The following GALNT5 variants were observed in gnomAD, a reference collection of about 807,000 sequenced individuals.
The protein encoded by GALNT5 is UDP-GalNAc:polypeptide N-acetylgalactosaminyltransferase 5.
In GALNT5, 72 loss-of-function variants were observed where a neutral mutation model predicts 85.4. The observed-to-expected ratio is 0.84, with a 90% CI of 0.70 to 1.03. GALNT5 has a LOEUF of 1.03. GALNT5 is among the 50% of genes least tolerant of loss of function. The pLI, the probability that GALNT5 is intolerant of heterozygous loss-of-function variation, is 0.00. For missense variants in GALNT5, 1,137 were observed against 1,135.5 expected, an observed-to-expected ratio of 1.00 and a Z score of -0.02; for synonymous variants, 404 against 397.0, an observed-to-expected ratio of 1.02 and a Z score of -0.21.
At chr2:157,264,114 C>T (rs1682407386) in intron 1 of GALNT5, among the ~76,000 whole-genome samples, 1 of 151,738 alleles carries the variant, frequency 6.6e-6, no homozygotes, top group Admixed American at 6.6e-5. Flanking sequence ...AAAAGCTAAT[C>T]CTTTCAGTTC....
chr2:157,292,858 C>G (rs1350338075), intron 3 of GALNT5, among the ~76,000 whole-genome samples: 2 of 152,080 alleles, frequency 1.3e-5, no homozygotes, highest in Non-Finnish European at 2.9e-5. Flanking sequence ...GGCACACACA[C>G]ACGCCCGATT....
At chr2:157,299,952 C>A (rs534063666) in intron 6 of GALNT5, among the ~76,000 whole-genome samples, 1 of 152,192 alleles carries the variant, frequency 6.6e-6, no homozygotes, top group East Asian at 1.9e-4. Context: ...GGGAGTCATA[C>A]GTGCTACAAA....
chr2:157,266,872 T>C (rs1185047778), intron 1 of GALNT5, among the ~76,000 whole-genome samples: 1 of 152,164 alleles, frequency 6.6e-6, no homozygotes, highest in African/African-American at 2.4e-5. Flanking sequence ...AGATGCATGA[T>C]GGGAATTAAG....
At chr2:157,286,641 T>C (rs573819892) in intron 3 of GALNT5, among the ~76,000 whole-genome samples, 47 of 152,140 alleles carry the variant, frequency 3.1e-4, no homozygotes, top group African/African-American at 1.1e-3. Context: ...GTAGCTGGGA[T>C]TACAGGCACC....
In GALNT5 at chr2:157,313,506, C is replaced by T. The variant is rs1333700121; in HGVS notation, c.*2158C>T. 1 of 152,198 alleles carries T rather than the reference C, an allele frequency of 6.6e-6. No homozygotes were observed. Among genetic ancestry groups the T allele is most frequent in the Non-Finnish European group, 1.5e-5 (1 of 68,036 alleles). The allele number at this position is 152,198 out of a possible 1,614,324, so 9.4% of individuals were successfully genotyped here. A position where few individuals can be genotyped will look rare whatever the true frequency, so the allele number is the denominator to read the frequency against. ...GCAAGGGGGATGGGGGGACGCAAGTCAGTTGTCAAAAGACTAATTGAGTTA... is the reference window on the plus strand; with the variant it reads ...GCAAGGGGGATGGGGGGACGCAAGTTAGTTGTCAAAAGACTAATTGAGTTA... On this transcript the variant is annotated 3_prime_UTR_variant, in exon 10 of 10. Coordinates refer to ENST00000259056, the MANE Select transcript of GALNT5 (RefSeq NM_014568.3).
At chr2:157,282,258 A>C (rs1381350472) in intron 1 of GALNT5, among the ~76,000 whole-genome samples, 1 of 152,166 alleles carries the variant, frequency 6.6e-6, no homozygotes, top group East Asian at 1.9e-4. Flanking sequence ...AAATAATAAG[A>C]ATAAATTAAC....
At chr2:157,281,897 A>G (rs1682862208) in intron 1 of GALNT5, among the ~76,000 whole-genome samples, 1 of 152,218 alleles carries the variant, frequency 6.6e-6, no homozygotes, top group Admixed American at 6.5e-5. Context: ...TTGAAGGTGC[A>G]TACTGATATC....
chr2:157,283,502 G>A lies in GALNT5; in HGVS notation c.1455-780G>A, dbSNP rs559635855. On this transcript the variant is annotated intron_variant, in intron 1 of 9. Coordinates refer to ENST00000259056, the MANE Select transcript of GALNT5 (RefSeq NM_014568.3). ...ATTGCATTCCTATGCCAGCAAAATG[G>A]TTTTTCAACTGTGGCTATTCTGTAG... 2.1e-4 allele frequency among the ~76,000 whole-genome samples: 32 copies of A among 152,276 alleles called. 1 individual carries two copies. The highest frequency in any genetic ancestry group is 7.7e-4 in the African/African-American group (32 of 41,550).
Position 157,259,484 on chromosome 2 carries a change from C to G in GALNT5, c.1402C>G (p.Leu468Val). Residue 468 changes from leucine (L) to valine (V), a missense_variant, in exon 1 of 10, where the codon CTT becomes GTT. By Grantham distance (32) the Leu-to-Val change is conservative. Coordinates refer to ENST00000259056, the MANE Select transcript of GALNT5 (RefSeq NM_014568.3). Reference sequence around the variant, plus strand: ...GAAAGAAGGAAACTTCAATGTCTACCTTAGCGATTTGATCCCAGTGGATAG... The same window carrying G: ...GAAAGAAGGAAACTTCAATGTCTACGTTAGCGATTTGATCCCAGTGGATAG... ...RWKEGNFNVY[L>V]SDLIPVDRAI... 6.9e-7 allele frequency: 1 copy of G among 1,440,210 alleles called. No homozygotes were observed. Among genetic ancestry groups the G allele is most frequent in the Non-Finnish European group, 9.2e-7 (1 of 1,092,078 alleles). The allele number at this position is 1,440,210 out of a possible 1,614,324, so 89.2% of individuals were successfully genotyped here.
At chr2:157,300,646 T>A (rs1683320873) in intron 6 of GALNT5, 30 bp from the exon 7 acceptor site, 2 of 1,522,752 alleles carry the variant, frequency 1.3e-6, no homozygotes, top group South Asian at 1.1e-5. Context: ...AATCATTTGA[T>A]AATTGATGCT....
intron 1 of GALNT5, among the ~76,000 whole-genome samples, chr2:157,273,547 T>C (rs568868559): frequency 1.3e-5 from 2 of 151,008 alleles, no homozygotes; most frequent in Admixed American, 1.3e-4. Flanking sequence ...CTAACAATTC[T>C]GTAAATTCAA....
At chr2:157,296,546 T>C (rs757704969) in intron 5 of GALNT5, 33 bp downstream of exon 5, 10 of 1,548,128 alleles carry the variant, frequency 6.5e-6, no homozygotes, top group African/African-American at 1.4e-5. Flanking sequence ...TAGAAAGCAG[T>C]CATGTATCTT....
In GALNT5 at chr2:157,284,457, A is replaced by T. The variant is rs1263257169; in HGVS notation, c.1621+9A>T. The T allele has an allele frequency of 6.2e-7, 1 of 1,611,644 alleles. No individual in the cohort carries two copies. Among genetic ancestry groups the T allele is most frequent in the South Asian group, 1.1e-5 (1 of 90,790 alleles). ...TGACTTCAGCACCAAAGGTAAGAAA[A>T]CCACTCAGGCTATCTCTTGAAATTT... On this transcript the variant is annotated intron_variant, in intron 2 of 9. Coordinates refer to ENST00000259056, the MANE Select transcript of GALNT5 (RefSeq NM_014568.3).
rs1263867706 is a variant in GALNT5, at chr2:157,314,602, G to T, written c.*3254G>T. On this transcript the variant is annotated 3_prime_UTR_variant, in exon 10 of 10. Transcript: ENST00000259056. ...TAGTATTAGTTTGGGACTGCAGAGG[G>T]GCAAAGATACCATTTACAGTATATA... 6.6e-6 allele frequency among the ~76,000 whole-genome samples: 1 copy of T among 152,080 alleles called. No individual in the cohort carries two copies. Among genetic ancestry groups the T allele is most frequent in the African/African-American group, 2.4e-5 (1 of 41,394 alleles).
At chr2:157,284,132 G>A in intron 1 of GALNT5, 150 bp from the exon 2 acceptor site, 1 of 601,620 alleles carries the variant, frequency 1.7e-6, no homozygotes, top group Non-Finnish European at 2.9e-6. Context: ...ATCATCATTG[G>A]TATATATAAA....
Position 157,258,827 on chromosome 2 carries a change from T to G in GALNT5, c.745T>G (p.Ser249Ala). The G allele has an allele frequency of 1.3e-6, 2 of 1,589,054 alleles. No individual in the cohort carries two copies. The highest frequency in any genetic ancestry group is 8.6e-7 in the Non-Finnish European group (1 of 1,166,024). ...CCCTGCCAGCACAGCAGTGCCGAAG[T>G]CTGGGGAAGCCATGGCCTTAAACAA... Reference protein sequence around the residue: ...AHPASTAVPKSGEAMALNKTK... With the variant: ...AHPASTAVPKAGEAMALNKTK... The change falls in exon 1 of 10, where the codon TCT becomes GCT. Residue 249 changes from serine to alanine, a missense_variant. Coordinates refer to ENST00000259056, the MANE Select transcript of GALNT5 (RefSeq NM_014568.3).
chr2:157,296,049 C>T (rs563445102), intron 4 of GALNT5, among the ~76,000 whole-genome samples: 1 of 152,104 alleles, frequency 6.6e-6, no homozygotes, highest in Admixed American at 6.5e-5. Flanking sequence ...CCTAGTTTTT[C>T]CCCTTTATAT....
Position 157,258,101 on chromosome 2 carries a change from T to C in GALNT5, c.19T>C (p.Phe7Leu). The C allele has an allele frequency of 1.2e-6, 2 of 1,613,720 alleles. No individual in the cohort carries two copies. Among genetic ancestry groups the C allele is most frequent in the South Asian group, 1.1e-5 (1 of 91,074 alleles). The change falls in exon 1 of 10, where the codon TTT (phenylalanine) becomes CTT (leucine). Residue 7 changes from phenylalanine to leucine, a missense_variant. Transcript: ENST00000259056. ...TTGTACCATGAACAGGATCCGAAAG[T>C]TTTTCCGAGGAAGTGGGCGAGTCTT... is the stretch of plus-strand genomic sequence containing the variant. MNRIRK[F>L]FRGSGRVLAF... is the part of the protein sequence containing the mutation.
At chr2:157,283,369 G>A (rs1682896463) in intron 1 of GALNT5, among the ~76,000 whole-genome samples, 1 of 152,120 alleles carries the variant, frequency 6.6e-6, no homozygotes, top group African/African-American at 2.4e-5. Flanking sequence ...AGTGGCACAG[G>A]CAGGGGGTGA....
Sources: gnomAD v4.1 joint callset for allele counts (sites outside exome capture counted in the v4.1 genomes callset) on GRCh38, gnomAD v4.1.1 for gene constraint, MANE v1.5 for transcripts, NCBI Gene and HGNC (gene_info 2026-07-23, HGNC 2026-07-21) for gene names.